TIAM1: variants seen among roughly 807,000 people sequenced by gnomAD.
TIAM1 encodes the protein rho guanine nucleotide exchange factor TIAM1.
Under a neutral mutation model 163.5 loss-of-function variants are expected in TIAM1, and 65 were observed. The observed-to-expected ratio is 0.40, with a 90% CI of 0.33 to 0.49. The LOEUF is 0.49. Ranked by LOEUF, TIAM1 falls within the 20% of genes least tolerant of loss-of-function variation. The probability of loss-of-function intolerance (pLI) is 0.77; values close to 1 mark genes in which losing one functional copy is unlikely to be tolerated. For missense variants in TIAM1, 1,789 were observed against 2,044.7 expected (o/e 0.87, Z 2.41); for synonymous variants, 833 against 810.1 (o/e 1.03, Z -0.48).
intron 2 of TIAM1, among the ~76,000 whole-genome samples, chr21:31,370,814 CATAAAA>C (rs1024922245): frequency 4.3e-4 from 65 of 152,212 alleles, no homozygotes; most frequent in Non-Finnish European, 1.3e-4. Context: ...GAAGACTTCA[CATAAAA>C]ATTAGGATTT....
chr21:31,387,663 TG>T (rs139397118), intron 2 of TIAM1, among the ~76,000 whole-genome samples: 22,246 of 152,058 alleles, frequency 0.15, 1,705 homozygotes, highest in Non-Finnish European at 0.17. Context: ...TCTCTACGGC[TG>T]CGGACGCTGG....
At chr21:31,551,128 C>T (rs964970717) in intron 1 of TIAM1, among the ~76,000 whole-genome samples, 46 of 152,090 alleles carry the variant, frequency 3.0e-4, no homozygotes, top group Admixed American at 1.2e-3. Context: ...GCAAGAGAAT[C>T]GCTTGAACCT....
At chr21:31,438,080 C>G (rs1417525151) in intron 2 of TIAM1, among the ~76,000 whole-genome samples, 3 of 149,804 alleles carry the variant, frequency 2.0e-5, no homozygotes, top group African/African-American at 7.3e-5. Flanking sequence ...CCCTCATCAA[C>G]TACTTTTTAC....
intron 2 of TIAM1, among the ~76,000 whole-genome samples, chr21:31,328,641 G>A (rs907963521): frequency 1.3e-5 from 2 of 151,822 alleles, no homozygotes; most frequent in South Asian, 2.1e-4. Flanking sequence ...TTGCTGCACC[G>A]ATCAACCCGT....
intron 2 of TIAM1, among the ~76,000 whole-genome samples, chr21:31,451,772 AGAGAG>A (rs2044867380): frequency 6.6e-6 from 1 of 151,404 alleles, no homozygotes; most frequent in African/African-American, 2.4e-5. Flanking sequence ...AGACACAGAG[AGAGAG>A]AGAGAGAGAG....
At chr21:31,198,718 G>GTGGGACTA in intron 12 of TIAM1, among the ~76,000 whole-genome samples, 1 of 152,134 alleles carries the variant, frequency 6.6e-6, no homozygotes, top group South Asian at 2.1e-4. Context: ...CATTTCCACA[G>GTGGGACTA]GATCTAGTGG....
At chr21:31,243,598 G>C (rs886630347) in intron 6 of TIAM1, among the ~76,000 whole-genome samples, 1 of 152,028 alleles carries the variant, frequency 6.6e-6, no homozygotes, top group Non-Finnish European at 1.5e-5. Context: ...ATTGTATTTT[G>C]TGGCTACTAG....
intron 2 of TIAM1, among the ~76,000 whole-genome samples, chr21:31,325,262 G>C (rs1394756408): frequency 6.6e-6 from 1 of 150,802 alleles, no homozygotes; most frequent in Non-Finnish European, 1.5e-5. Flanking sequence ...ACTCTAGCCT[G>C]GGTGACAGAG....
intron 1 of TIAM1, among the ~76,000 whole-genome samples, chr21:31,468,447 C>CCTGGACA (rs1281256921): frequency 6.6e-6 from 1 of 151,174 alleles, no homozygotes; most frequent in Non-Finnish European, 1.5e-5. Flanking sequence ...CACACCACTG[C>CCTGGACA]ACTCCAGCCT....
intron 2 of TIAM1, among the ~76,000 whole-genome samples, chr21:31,299,096 T>C (rs911124686): frequency 6.6e-6 from 1 of 152,174 alleles, no homozygotes; most frequent in African/African-American, 2.4e-5. Context: ...CAGACCAAAA[T>C]TTCTAATCAT....
intron 1 of TIAM1, among the ~76,000 whole-genome samples, chr21:31,520,057 C>T (rs1029122879): frequency 2.0e-5 from 3 of 152,124 alleles, no homozygotes; most frequent in East Asian, 1.9e-4. Flanking sequence ...ATGGGCCGGG[C>T]GCGGTGGCCA....
chr21:31,335,030 G>A (rs1276057265), intron 2 of TIAM1, among the ~76,000 whole-genome samples: 1 of 152,176 alleles, frequency 6.6e-6, no homozygotes. Context: ...GACATGGGCA[G>A]GAGAAGGACA....
chr21:31,263,683 A>G (rs2072603729), intron 4 of TIAM1, among the ~76,000 whole-genome samples: 1 of 152,090 alleles, frequency 6.6e-6, no homozygotes, highest in South Asian at 2.1e-4. Context: ...ACAACAGGGC[A>G]CCCTTCTCAA....
At chr21:31,543,754 A>G (rs1242779366) in intron 1 of TIAM1, among the ~76,000 whole-genome samples, 1 of 152,248 alleles carries the variant, frequency 6.6e-6, no homozygotes, top group Non-Finnish European at 1.5e-5. Flanking sequence ...TTGAACAAGG[A>G]GTCCTGTCAG....
chr21:31,471,775 A>C (rs1327448855), intron 1 of TIAM1, among the ~76,000 whole-genome samples: 1 of 152,084 alleles, frequency 6.6e-6, no homozygotes, highest in Non-Finnish European at 1.5e-5. Flanking sequence ...AGGCTGAGGC[A>C]GGAGAATCAC....
intron 9 of TIAM1, among the ~76,000 whole-genome samples, chr21:31,215,568 GAAAAAAAA>G (rs398040071): frequency 4.0e-5 from 3 of 75,546 alleles, no homozygotes; most frequent in Non-Finnish European, 8.6e-5. Context: ...TCTCAAAAAA[GAAAAAAAA>G]AAAAAAAAAA....
At chr21:31,238,927 G>A (rs1371132256) in intron 6 of TIAM1, among the ~76,000 whole-genome samples, 3 of 152,192 alleles carry the variant, frequency 2.0e-5, no homozygotes, top group Admixed American at 2.0e-4. Context: ...GGATTAAAAT[G>A]TGGATACATA....
chr21:31,233,912 A>G (rs1354239960), intron 6 of TIAM1, among the ~76,000 whole-genome samples: 1 of 152,242 alleles, frequency 6.6e-6, no homozygotes, highest in Non-Finnish European at 1.5e-5. Context: ...GGGCAGTGGC[A>G]GGATTCATCT....
chr21:31,335,062 ATCTT>A (rs1424377395), intron 2 of TIAM1, among the ~76,000 whole-genome samples: 1 of 152,112 alleles, frequency 6.6e-6, no homozygotes. Flanking sequence ...CCTCCAGGGT[ATCTT>A]GCATCAGACC....
Sources: allele counts gnomAD v4.1 joint callset (sites outside exome capture counted in the v4.1 genomes callset), GRCh38; gene constraint gnomAD v4.1.1; transcripts MANE v1.5; gene names NCBI Gene and HGNC (gene_info 2026-07-23, HGNC 2026-07-21).